Variants in TMEM108 observed in about 807,000 individuals in gnomAD.
TMEM108 encodes the protein transmembrane protein 108, also known as cancer/testis antigen 124.
Under a neutral mutation model 35.1 loss-of-function variants are expected in TMEM108, and 12 were observed. The ratio of observed to expected loss-of-function variants is 0.34; its 90% CI spans 0.22 to 0.55. The LOEUF (loss-of-function observed/expected upper bound fraction) is 0.55. TMEM108 is among the 20% of genes least tolerant of loss of function. The probability of loss-of-function intolerance (pLI) is 0.89; values close to 1 mark genes in which losing one functional copy is unlikely to be tolerated. For synonymous variants in TMEM108, 287 were observed against 308.6 expected (o/e 0.93, Z 0.73); for missense variants, 680 against 753.3 (o/e 0.90, Z 1.14).
At chr3:133,171,505 T>G (rs1945130834) in intron 2 of TMEM108, among the ~76,000 whole-genome samples, 1 of 152,112 alleles carries the variant, frequency 6.6e-6, no homozygotes. Flanking sequence ...GTGTCCCAAA[T>G]AGCTGAATAC....
chr3:133,254,994 A>G (rs1455890929), intron 3 of TMEM108, among the ~76,000 whole-genome samples: 1 of 152,208 alleles, frequency 6.6e-6, no homozygotes, highest in Non-Finnish European at 1.5e-5. Context: ...TGGCCTCTCC[A>G]TGTGGCCTTG....
chr3:133,166,825 G>T (rs1019104472), intron 2 of TMEM108, among the ~76,000 whole-genome samples: 1 of 152,218 alleles, frequency 6.6e-6, no homozygotes, highest in Admixed American at 6.5e-5. Context: ...GCACCTGAGT[G>T]GGTTGCTGCT....
intron 3 of TMEM108, among the ~76,000 whole-genome samples, chr3:133,301,010 A>G (rs1947217519): frequency 1.5e-5 from 1 of 66,724 alleles, no homozygotes; most frequent in African/African-American, 4.1e-5. Context: ...ACACACACAC[A>G]CACACACACA....
intron 2 of TMEM108, among the ~76,000 whole-genome samples, chr3:133,179,292 C>T (rs1466676018): frequency 6.6e-6 from 1 of 152,152 alleles, no homozygotes; most frequent in African/African-American, 2.4e-5. Context: ...GTGACCCAGC[C>T]ATCCCATTAC....
chr3:133,235,782 G>A (rs114151935), intron 3 of TMEM108, among the ~76,000 whole-genome samples: 1,534 of 152,242 alleles, frequency 0.01, 27 homozygotes, highest in South Asian at 0.038. Context: ...CAACAACCTT[G>A]TAAGGCAAGT....
chr3:133,267,989 G>A lies in TMEM108; in HGVS notation c.40+38638G>A, dbSNP rs6764820. ...GGGACTACACAAAGGCACGAAACAG[G>A]GATCATTGAGTAGATCTTGAAGCTG... On this transcript the variant is annotated intron_variant, in intron 3 of 5. Transcript: ENST00000321871. Among the ~76,000 whole-genome samples the A allele has an allele frequency of 1.9e-3, 284 of 152,286 alleles. 2 individuals are homozygous for A. The highest frequency in any genetic ancestry group is 6.5e-3 in the African/African-American group (270 of 41,546).
At chr3:133,239,994 A>G (rs1418847817) in intron 3 of TMEM108, among the ~76,000 whole-genome samples, 2 of 152,240 alleles carry the variant, frequency 1.3e-5, no homozygotes, top group African/African-American at 4.8e-5. Context: ...TGAGAAGGGC[A>G]CAAGGAATGG....
intron 2 of TMEM108, among the ~76,000 whole-genome samples, chr3:133,159,399 T>C (rs1053887486): frequency 1.3e-5 from 2 of 152,172 alleles, no homozygotes; most frequent in Non-Finnish European, 2.9e-5. Flanking sequence ...TTGGCTGCAT[T>C]TATCCATGCT....
At chr3:133,306,052 C>T (rs934116623) in intron 3 of TMEM108, among the ~76,000 whole-genome samples, 7 of 151,986 alleles carry the variant, frequency 4.6e-5, no homozygotes, top group African/African-American at 1.7e-4. Context: ...CTGTCTGTGG[C>T]TTATATCTTT....
At chr3:133,271,096 C>T (rs369970032) in intron 3 of TMEM108, among the ~76,000 whole-genome samples, 3 of 152,276 alleles carry the variant, frequency 2.0e-5, no homozygotes. Flanking sequence ...CAAACTCTAC[C>T]CCAACATCTG....
At chr3:133,178,934 A>G in intron 2 of TMEM108, among the ~76,000 whole-genome samples, 1 of 152,206 alleles carries the variant, frequency 6.6e-6, no homozygotes, top group East Asian at 1.9e-4. Flanking sequence ...AATATCCAGA[A>G]TCTACAAAGA....
At chr3:133,248,362 A>G (rs1195884043) in intron 3 of TMEM108, 1 of 152,212 alleles carries the variant, frequency 6.6e-6, no homozygotes, top group African/African-American at 2.4e-5. Flanking sequence ...AGGAACATGG[A>G]CTGAGATTGT....
intron 2 of TMEM108, among the ~76,000 whole-genome samples, chr3:133,119,866 T>C (rs1006183122): frequency 6.6e-6 from 1 of 152,214 alleles, no homozygotes; most frequent in Admixed American, 6.5e-5. Flanking sequence ...CCCAAATCTC[T>C]TGCATATCAT....
chr3:133,086,736 G>A (rs1943887044), intron 2 of TMEM108, among the ~76,000 whole-genome samples: 1 of 152,102 alleles, frequency 6.6e-6, no homozygotes, highest in Non-Finnish European at 1.5e-5. Context: ...CATTTAATTT[G>A]GCTAAATTAA....
At chr3:133,107,635 T>G (rs1270503175) in intron 2 of TMEM108, among the ~76,000 whole-genome samples, 2 of 152,136 alleles carry the variant, frequency 1.3e-5, no homozygotes, top group African/African-American at 2.4e-5. Flanking sequence ...CAGCAAGATC[T>G]TGATGTTAAT....
rs1377011080 is a variant in TMEM108, at chr3:133,395,956, T to C, written c.1698T>C (p.Phe566=). The change falls in exon 6 of 6, where the codon TTT becomes TTC. Residue 566 remains phenylalanine (F), a synonymous_variant. Coordinates refer to ENST00000321871, the MANE Select transcript of TMEM108 (RefSeq NM_023943.4). Reference sequence around the variant, plus strand: ...ACCCCTTCTGTCAAGAAACACTGTTTGTGGGAAACGATCAAGTATCTGAGA... The same window carrying C: ...ACCCCTTCTGTCAAGAAACACTGTTCGTGGGAAACGATCAAGTATCTGAGA... The part of the protein sequence containing the change: ...LVNPFCQETL[F]VGNDQVSEI 6.2e-7 allele frequency: 1 copy of C among 1,603,626 alleles called. No homozygotes were observed. Among genetic ancestry groups the C allele is most frequent in the African/African-American group, 1.3e-5 (1 of 74,520 alleles).
intron 3 of TMEM108, among the ~76,000 whole-genome samples, chr3:133,305,390 G>A (rs1410608941): frequency 2.0e-5 from 3 of 150,158 alleles, no homozygotes; most frequent in Non-Finnish European, 4.4e-5. Context: ...GGGAGGGATA[G>A]CATTGGGAGA....
At chr3:133,164,262 G>A (rs953415048) in intron 2 of TMEM108, among the ~76,000 whole-genome samples, 2 of 152,164 alleles carry the variant, frequency 1.3e-5, no homozygotes, top group African/African-American at 4.8e-5. Context: ...GGTGATGGGA[G>A]CCAGGATTTC....
At chr3:133,142,638 A>G (rs1017276745) in intron 2 of TMEM108, among the ~76,000 whole-genome samples, 16 of 152,316 alleles carry the variant, frequency 1.1e-4, no homozygotes, top group African/African-American at 3.4e-4. Flanking sequence ...ATCAGGCCTT[A>G]CAAGTATTAG....
Sources: gnomAD v4.1 joint callset for allele counts (sites outside exome capture counted in the v4.1 genomes callset) on GRCh38, gnomAD v4.1.1 for gene constraint, MANE v1.5 for transcripts, NCBI Gene and HGNC (gene_info 2026-07-23, HGNC 2026-07-21) for gene names.